The following ANGPT2 variants were observed in gnomAD, a reference collection of about 807,000 sequenced individuals.
The protein encoded by ANGPT2 is angiopoietin 2.
A neutral mutation model predicts 62.9 loss-of-function variants in ANGPT2; 28 were observed. That is an observed-to-expected ratio of 0.44 (90% CI 0.33 to 0.61). The LOEUF is 0.61. Among genes scored for constraint, ANGPT2 ranks in the 20% least tolerant of loss-of-function variants. ANGPT2 has a pLI of 0.03. For missense variants in ANGPT2, 727 were observed against 594.9 expected, an observed-to-expected ratio of 1.22 and a Z score of -2.31; for synonymous variants, 284 against 207.8, an observed-to-expected ratio of 1.37 and a Z score of -3.15.
intron 1 of ANGPT2, among the ~76,000 whole-genome samples, chr8:6,542,013 A>C (rs1007677849): frequency 6.6e-6 from 1 of 151,930 alleles, no homozygotes; most frequent in African/African-American, 2.4e-5. Context: ...ATCTCAAAAA[A>C]AAAAAAAAAA....
intron 1 of ANGPT2, among the ~76,000 whole-genome samples, chr8:6,543,274 A>T (rs1034496717): frequency 6.6e-6 from 1 of 152,230 alleles, no homozygotes; most frequent in Non-Finnish European, 1.5e-5. Flanking sequence ...TCTTCTGTAC[A>T]TGAAGATGCA....
intron 3 of ANGPT2, among the ~76,000 whole-genome samples, chr8:6,524,204 T>C (rs1360808391): frequency 6.6e-6 from 1 of 152,216 alleles, no homozygotes; most frequent in Non-Finnish European, 1.5e-5. Flanking sequence ...ATTCCCTTTT[T>C]TGAGTCCCGT....
intron 5 of ANGPT2, among the ~76,000 whole-genome samples, chr8:6,515,502 G>C (rs1816083169): frequency 2.0e-5 from 3 of 152,212 alleles, no homozygotes; most frequent in Admixed American, 2.0e-4. Flanking sequence ...TTTTATTTCT[G>C]CTCTTAAACT....
chr8:6,545,219 C>G (rs1822355537), intron 1 of ANGPT2, among the ~76,000 whole-genome samples: 1 of 152,072 alleles, frequency 6.6e-6, no homozygotes, highest in Non-Finnish European at 1.5e-5. Flanking sequence ...CACGAGGGAG[C>G]CTTCTGGAGT....
rs767280422 is a variant in ANGPT2, at chr8:6,521,231, T to C, written c.746A>G (p.His249Arg). ...GTTATTAACTGTCTCCATGAGATCA[T>C]GTTGCTGCTTCTGAAGAACTGAATT... Reference protein sequence around the residue: ...VNNSVLQKQQHDLMETVNNLL... With the variant: ...VNNSVLQKQQRDLMETVNNLL... The change falls in exon 4 of 9, where the codon CAT becomes CGT. Residue 249 changes from histidine (H) to arginine (R), a missense_variant. Coordinates refer to ENST00000629816, the MANE Select transcript of ANGPT2 (RefSeq NM_001118887.2). 2.5e-6 allele frequency: 4 copies of C among 1,613,826 alleles called. No homozygotes were observed. The highest frequency in any genetic ancestry group is 3.4e-6 in the Non-Finnish European group (4 of 1,179,944).
intron 1 of ANGPT2, among the ~76,000 whole-genome samples, chr8:6,536,067 A>C (rs999140586): frequency 1.1e-4 from 16 of 152,144 alleles, no homozygotes; most frequent in Non-Finnish European, 2.2e-4. Flanking sequence ...AAAAAAAGAA[A>C]AAAATTAAAA....
rs76483883 is a variant in ANGPT2, at chr8:6,547,517, A to C, written c.289-15030T>G. On this transcript the variant is annotated intron_variant, in intron 1 of 8. Transcript: ENST00000629816. Reference sequence around the variant, plus strand: ...TTACTCAACAACTGGAAGGGGAAGAAGTTATTTCCAGAGATGTTTCTCTGT... The same window carrying C: ...TTACTCAACAACTGGAAGGGGAAGACGTTATTTCCAGAGATGTTTCTCTGT... Among the ~76,000 whole-genome samples, 1,111 of 152,314 alleles carry C rather than the reference A, an allele frequency of 7.3e-3. 35 individuals are homozygous for C. Among genetic ancestry groups the C allele is most frequent in the Admixed American group, 0.051 (778 of 15,304 alleles).
chr8:6,512,172 A>T (rs575394846), intron 7 of ANGPT2, among the ~76,000 whole-genome samples: 1 of 152,294 alleles, frequency 6.6e-6, no homozygotes, highest in South Asian at 2.1e-4. Context: ...ATCCATGTAT[A>T]TCTGTTTCTC....
chr8:6,515,173 T>C (rs985419364), intron 5 of ANGPT2, among the ~76,000 whole-genome samples: 7 of 151,822 alleles, frequency 4.6e-5, no homozygotes, highest in African/African-American at 1.7e-4. Context: ...AACCATTGAC[T>C]TGTGTTCACA....
At chr8:6,556,021 A>G (rs1329948419) in intron 1 of ANGPT2, among the ~76,000 whole-genome samples, 4 of 152,154 alleles carry the variant, frequency 2.6e-5, no homozygotes, top group Non-Finnish European at 4.4e-5. Flanking sequence ...GGGACTTGGT[A>G]TCTCAGGCCT....
intron 1 of ANGPT2, among the ~76,000 whole-genome samples, chr8:6,554,191 C>T (rs143607111): frequency 2.4e-3 from 363 of 150,836 alleles, no homozygotes; most frequent in African/African-American, 8.6e-3. Flanking sequence ...GGATAGCCCA[C>T]CTCAAGTCAT....
intron 1 of ANGPT2, among the ~76,000 whole-genome samples, chr8:6,533,403 C>T (rs1339054868): frequency 6.6e-6 from 1 of 152,108 alleles, no homozygotes; most frequent in Non-Finnish European, 1.5e-5. Flanking sequence ...CTGCCCTCTG[C>T]TTTATAGTCT....
At chr8:6,534,785 ATCTT>A (rs1429503291) in intron 1 of ANGPT2, among the ~76,000 whole-genome samples, 3 of 152,164 alleles carry the variant, frequency 2.0e-5, no homozygotes, top group African/African-American at 4.8e-5. Flanking sequence ...AGTGTGTGTG[ATCTT>A]TCTTAATTCA....
At chr8:6,513,286 G>A (rs574162734) in intron 7 of ANGPT2, among the ~76,000 whole-genome samples, 1 of 151,336 alleles carries the variant, frequency 6.6e-6, no homozygotes, top group Non-Finnish European at 1.5e-5. Flanking sequence ...CTCATTTTCT[G>A]GAATAGTCAC....
chr8:6,521,524 G>A (rs1586327239), intron 3 of ANGPT2, 114 bp from the exon 4 acceptor site: 1 of 764,224 alleles, frequency 1.3e-6, no homozygotes, highest in South Asian at 2.0e-5. Context: ...TGGTTATAAA[G>A]TAATATGATG....
intron 1 of ANGPT2, among the ~76,000 whole-genome samples, chr8:6,540,682 G>A (rs79715960): frequency 0.011 from 1,735 of 152,378 alleles, 17 homozygotes; most frequent in Non-Finnish European, 0.015. Context: ...GTATGTGTGT[G>A]TACCTCTGTC....
Position 6,521,284 on chromosome 8 carries a change from T to C in ANGPT2, c.693A>G (p.Glu231=), listed in dbSNP as rs201190442. ...TCACCGTGGCAGTCACTATTTTTTT[T>C]TCTAGTTCTTCAATGATGGAATTTT... ...SKQNSIIEEL[E]KKIVTATVNN... Residue 231 remains glutamate (E), a synonymous_variant, in exon 4 of 9, where the codon GAA becomes GAG. Transcript: ENST00000629816. 206 of 1,613,826 alleles carry C rather than the reference T, an allele frequency of 1.3e-4. 1 individual carries two copies. The highest frequency in any genetic ancestry group is 1.6e-4 in the Non-Finnish European group (190 of 1,179,948).
chr8:6,555,009 G>A (rs962420022), intron 1 of ANGPT2, among the ~76,000 whole-genome samples: 1 of 152,096 alleles, frequency 6.6e-6, no homozygotes, highest in African/African-American at 2.4e-5. Flanking sequence ...TCCAGGCAGT[G>A]GTAGGCAGAG....
intron 1 of ANGPT2, among the ~76,000 whole-genome samples, chr8:6,554,559 T>A (rs998932080): frequency 6.6e-6 from 1 of 152,236 alleles, no homozygotes; most frequent in African/African-American, 2.4e-5. Context: ...AGGTAATTTT[T>A]AATGTATATT....
Sources: allele counts gnomAD v4.1 joint callset (sites outside exome capture counted in the v4.1 genomes callset), GRCh38; gene constraint gnomAD v4.1.1; transcripts MANE v1.5; gene names NCBI Gene and HGNC (gene_info 2026-07-23, HGNC 2026-07-21).